The following ADAMTS5 variants were observed in gnomAD, a reference collection of about 807,000 sequenced individuals.
The protein encoded by ADAMTS5 is A disintegrin and metalloproteinase with thrombospondin motifs 5.
In ADAMTS5, 54 loss-of-function variants were observed where a neutral mutation model predicts 81.4. The observed-to-expected ratio is 0.66, with a 90% CI of 0.53 to 0.83. The LOEUF (loss-of-function observed/expected upper bound fraction) is 0.83. Ranked by LOEUF, ADAMTS5 falls within the 40% of genes least tolerant of loss-of-function variation. The probability of loss-of-function intolerance (pLI) is 0.00; values close to 1 mark genes in which losing one functional copy is unlikely to be tolerated. For synonymous variants in ADAMTS5, 532 were observed against 508.8 expected (o/e 1.05, Z -0.61); for missense variants, 1,194 against 1,229.9 (o/e 0.97, Z 0.44).
At position 26,950,329 on chromosome 21, in the gene ADAMTS5, T is replaced by G. The variant is rs533476983; in HGVS notation, c.1237+4410A>C. Among the ~76,000 whole-genome samples, 8 of 150,502 alleles carry G rather than the reference T, an allele frequency of 5.3e-5. No homozygotes were observed. The East Asian group carries it at 1.5e-3, about 29-fold the overall frequency. On this transcript the variant is annotated intron_variant, in intron 2 of 7. Coordinates refer to ENST00000284987, the MANE Select transcript of ADAMTS5 (RefSeq NM_007038.5). ...ATATGTGCAGCAGGTGAAATCTTTA[T>G]TATTACAAGTCAATAATAAAAGTTT...
At chr21:26,962,069 A>T (rs1488615365) in intron 1 of ADAMTS5, among the ~76,000 whole-genome samples, 4 of 152,194 alleles carry the variant, frequency 2.6e-5, no homozygotes, top group African/African-American at 7.2e-5. Context: ...ACAATCTCTT[A>T]GTTGGTTCGA....
At chr21:26,933,093 T>G (rs1986946305) in intron 4 of ADAMTS5, 49 bp from the exon 5 acceptor site, 1 of 1,544,654 alleles carries the variant, frequency 6.5e-7, no homozygotes, top group African/African-American at 1.4e-5. Flanking sequence ...AGAAAAACAT[T>G]GAAAGTGTGC....
At chr21:26,937,378 C>A (rs565224462) in intron 3 of ADAMTS5, among the ~76,000 whole-genome samples, 1 of 152,324 alleles carries the variant, frequency 6.6e-6, no homozygotes, top group Admixed American at 6.5e-5. Flanking sequence ...ATGATCTTCT[C>A]TTGCTTAAAA....
intron 1 of ADAMTS5, among the ~76,000 whole-genome samples, chr21:26,956,384 TAA>T (rs1987427994): frequency 6.6e-6 from 1 of 152,220 alleles, no homozygotes; most frequent in Non-Finnish European, 1.5e-5. Context: ...TAGCCTTGGT[TAA>T]TCATGTCACA....
intron 2 of ADAMTS5, among the ~76,000 whole-genome samples, chr21:26,944,364 T>G (rs1198202540): frequency 6.6e-6 from 1 of 152,200 alleles, no homozygotes; most frequent in African/African-American, 2.4e-5. Flanking sequence ...TATTTGTGCT[T>G]AAGCCTCTCA....
chr21:26,929,303 G>A (rs1004468045), intron 7 of ADAMTS5, among the ~76,000 whole-genome samples: 4 of 152,052 alleles, frequency 2.6e-5, no homozygotes, highest in Middle Eastern at 3.2e-3. Context: ...ATTTTATGCC[G>A]GAAATTGGTA....
At position 26,919,150 on chromosome 21, in the gene ADAMTS5, A is replaced by G. The variant is rs551033705; in HGVS notation, c.*4903T>C. 5 of 152,206 alleles carry G rather than the reference A, an allele frequency of 3.3e-5. No homozygotes were observed. In the South Asian group the frequency reaches 1.0e-3, roughly 32 times the overall value. 9.4% of individuals were successfully genotyped at this position (152,206 alleles called of 1,614,324 possible). A position where few individuals can be genotyped will look rare whatever the true frequency, so the allele number is the denominator to read the frequency against. On this transcript the variant is annotated 3_prime_UTR_variant, in exon 8 of 8. Coordinates refer to ENST00000284987, the MANE Select transcript of ADAMTS5 (RefSeq NM_007038.5). The stretch of plus-strand genomic sequence containing the variant: ...GGTCACGAAAGATGTTAGCACCTCA[A>G]TAAAAATTAGAATTGTTCATTGGGT...
At chr21:26,948,500 C>T (rs768613365) in intron 2 of ADAMTS5, among the ~76,000 whole-genome samples, 5 of 152,242 alleles carry the variant, frequency 3.3e-5, no homozygotes, top group African/African-American at 4.8e-5. Flanking sequence ...TGGAGGTGCA[C>T]GGTCTTGCCA....
chr21:26,930,293 T>TA (rs1182344488), intron 6 of ADAMTS5, among the ~76,000 whole-genome samples: 1 of 152,230 alleles, frequency 6.6e-6, no homozygotes, highest in African/African-American at 2.4e-5. Context: ...TTTTCTCTCT[T>TA]AACCTTACCT....
At chr21:26,953,521 A>C (rs1378804322) in intron 2 of ADAMTS5, among the ~76,000 whole-genome samples, 1 of 152,212 alleles carries the variant, frequency 6.6e-6, no homozygotes, top group African/African-American at 2.4e-5. Flanking sequence ...CTCCCCAAAG[A>C]AAACATAGCA....
chr21:26,962,278 A>G (rs192738651), intron 1 of ADAMTS5, among the ~76,000 whole-genome samples: 48 of 152,336 alleles, frequency 3.2e-4, no homozygotes, highest in Non-Finnish European at 6.0e-4. Flanking sequence ...GACGTCCAGA[A>G]CAAGGAAAGG....
intron 1 of ADAMTS5, among the ~76,000 whole-genome samples, chr21:26,956,363 T>G (rs1987427399): frequency 1.3e-5 from 2 of 152,182 alleles, no homozygotes; most frequent in African/African-American, 4.8e-5. Context: ...ACACTGGAAA[T>G]CTCAGCCAAG....
intron 3 of ADAMTS5, among the ~76,000 whole-genome samples, chr21:26,935,625 C>T (rs1986999786): frequency 6.6e-6 from 1 of 152,110 alleles, no homozygotes; most frequent in African/African-American, 2.4e-5. Flanking sequence ...CTCATTGCAT[C>T]ATATATGAGG....
chr21:26,966,367 G>A lies in ADAMTS5; in HGVS notation c.25C>T (p.Leu9=), dbSNP rs886936231. The part of the protein sequence containing the change: MLLGWASL[L]LCAFRLPLAA... ...AGGGGCAGGCGGAACGCGCACAGCA[G>A]CAGGGACGCCCACCCGAGCAGCATA... The change falls in exon 1 of 8, where the codon CTG becomes TTG. Residue 9 remains leucine (L), a synonymous_variant. Coordinates refer to ENST00000284987, the MANE Select transcript of ADAMTS5 (RefSeq NM_007038.5). 5.3e-5 allele frequency: 79 copies of A among 1,496,172 alleles called. No homozygotes were observed. Among genetic ancestry groups the A allele is most frequent in the Admixed American group, 8.7e-5 (4 of 45,896 alleles). 92.7% of individuals were successfully genotyped at this position (1,496,172 alleles called of 1,614,324 possible).
chr21:26,929,577 A>G (rs931349406), intron 7 of ADAMTS5, among the ~76,000 whole-genome samples: 17 of 152,174 alleles, frequency 1.1e-4, no homozygotes, highest in Admixed American at 1.1e-3. Context: ...ATAACACTAG[A>G]TCTGCAAGAT....
At chr21:26,937,222 CCAA>C (rs1375007754) in intron 3 of ADAMTS5, among the ~76,000 whole-genome samples, 3 of 152,110 alleles carry the variant, frequency 2.0e-5, no homozygotes, top group African/African-American at 7.2e-5. Flanking sequence ...AAATCGGCTT[CCAA>C]CAAGGAGACT....
At chr21:26,938,182 T>C (rs1474420852) in intron 3 of ADAMTS5, among the ~76,000 whole-genome samples, 5 of 151,530 alleles carry the variant, frequency 3.3e-5, no homozygotes, top group Non-Finnish European at 5.9e-5. Flanking sequence ...AGGTGGAGTT[T>C]GCAGTGAGCC....
chr21:26,931,499 T>G (rs1986905896), intron 6 of ADAMTS5, among the ~76,000 whole-genome samples: 1 of 152,180 alleles, frequency 6.6e-6, no homozygotes, highest in South Asian at 2.1e-4. Flanking sequence ...TACACAAGGA[T>G]TATAACATAT....
Position 26,965,844 on chromosome 21 carries a change from C to A in ADAMTS5, c.548G>T (p.Gly183Val), listed in dbSNP as rs951365371. 1 of 1,612,328 alleles carries A rather than the reference C, an allele frequency of 6.2e-7. No individual in the cohort carries two copies. The highest frequency in any genetic ancestry group is 1.3e-5 in the African/African-American group (1 of 74,926). ...WAEEEKGRVYGDGSARILHVY... is the reference protein window; with the variant it reads ...WAEEEKGRVYVDGSARILHVY... ...GTGCAGGATCCGTGCGGACCCATCC[C>A]CGTACACGCGCCCCTTTTCTTCCTC... Residue 183 changes from glycine (G) to valine (V), a missense_variant, in exon 1 of 8, where the codon GGG becomes GTG. Around this residue, in one of 2 missense-constraint regions of ADAMTS5, gnomAD observed 498 missense variants for 412.3 expected, o/e 1.21. Coordinates refer to ENST00000284987, the MANE Select transcript of ADAMTS5 (RefSeq NM_007038.5).
Sources: gnomAD v4.1 joint callset for allele counts (sites outside exome capture counted in the v4.1 genomes callset) on GRCh38, gnomAD v4.1.1 for gene constraint, gnomAD v4.1.1 regional missense constraint, MANE v1.5 for transcripts, NCBI Gene and HGNC (gene_info 2026-07-23, HGNC 2026-07-21) for gene names.